The following ANKRD30A variants were observed in gnomAD, a reference collection of about 807,000 sequenced individuals.
ANKRD30A encodes ankyrin repeat domain-containing protein 30A.
ANKRD30A carries 170 observed loss-of-function variants against 166.3 expected under a neutral mutation model. The observed-to-expected ratio is 1.02, with a 90% CI of 0.90 to 1.16. The LOEUF is 1.16. Among genes scored for constraint, ANKRD30A ranks in the 50% most tolerant of loss-of-function variants. The pLI is 0.00. For synonymous variants in ANKRD30A, 564 were observed against 508.9 expected, an observed-to-expected ratio of 1.11 and a Z score of -1.46; for missense variants, 1,630 against 1,518.0, an observed-to-expected ratio of 1.07 and a Z score of -1.23.
intron 25 of ANKRD30A, among the ~76,000 whole-genome samples, chr10:37,190,169 A>G (rs527583944): frequency 6.6e-6 from 1 of 151,898 alleles, no homozygotes; most frequent in South Asian, 2.1e-4. Flanking sequence ...CTCTGTATAG[A>G]CCAGAGGTTT....
intron 27 of ANKRD30A, among the ~76,000 whole-genome samples, chr10:37,193,916 C>T (rs912913672): frequency 1.3e-5 from 2 of 152,102 alleles, no homozygotes; most frequent in African/African-American, 2.4e-5. Context: ...TACAATAGGC[C>T]GTGCACGGTG....
intron 7 of ANKRD30A, among the ~76,000 whole-genome samples, chr10:37,143,581 GA>G (rs1837300177): frequency 6.6e-6 from 1 of 152,110 alleles, no homozygotes. Flanking sequence ...TTGAACCCAG[GA>G]GGCAGAGGTT....
chr10:37,192,277 C>T (rs1472860910), intron 25 of ANKRD30A, among the ~76,000 whole-genome samples: 2 of 151,920 alleles, frequency 1.3e-5, no homozygotes, highest in East Asian at 3.9e-4. Flanking sequence ...CTCCTGGCCT[C>T]CAGAGATCCG....
chr10:37,261,664 T>G, the ANKRD30A span, among the ~76,000 whole-genome samples: 1 of 152,338 alleles, frequency 6.6e-6, no homozygotes, highest in Middle Eastern at 3.4e-3. Context: ...CTTGACTTTG[T>G]TTGCTTCATT....
At chr10:37,132,393 G>C in intron 4 of ANKRD30A, 47 bp downstream of exon 4, 3 of 1,104,758 alleles carry the variant, frequency 2.7e-6, no homozygotes, top group Non-Finnish European at 3.9e-6. Flanking sequence ...TAGTGTTCTA[G>C]AGTAATAACA....
chr10:37,140,019 T>C (rs1836992212), intron 6 of ANKRD30A, among the ~76,000 whole-genome samples: 2 of 152,222 alleles, frequency 1.3e-5, no homozygotes. Context: ...ATAGTTTCTA[T>C]TTTATATGTA....
intron 21 of ANKRD30A, among the ~76,000 whole-genome samples, chr10:37,172,224 A>G (rs1344299159): frequency 2.6e-4 from 26 of 100,336 alleles, no homozygotes; most frequent in African/African-American, 1.0e-3. Context: ...ACGCACTTCT[A>G]ATAATTTCTC....
chr10:37,246,856 C>T, the ANKRD30A span, among the ~76,000 whole-genome samples: 6 of 152,130 alleles, frequency 3.9e-5, no homozygotes, highest in Admixed American at 1.3e-4. Flanking sequence ...AGGCCAATAG[C>T]ACCTCATCAT....
chr10:37,256,026 A>G, the ANKRD30A span, among the ~76,000 whole-genome samples: 1 of 152,190 alleles, frequency 6.6e-6, no homozygotes, highest in African/African-American at 2.4e-5. Context: ...CAGTGCCTGC[A>G]GCGTGACTGG....
chr10:37,154,348 G>A (rs1838197091), intron 13 of ANKRD30A, among the ~76,000 whole-genome samples: 1 of 152,162 alleles, frequency 6.6e-6, no homozygotes, highest in African/African-American at 2.4e-5. Context: ...AGCCGACTTG[G>A]GATTCTGCAT....
chr10:37,242,673 G>A, the ANKRD30A span, among the ~76,000 whole-genome samples: 1 of 152,040 alleles, frequency 6.6e-6, no homozygotes, highest in Admixed American at 6.6e-5. Flanking sequence ...CACATGTTTC[G>A]AGGTTCATGG....
intron 34 of ANKRD30A, among the ~76,000 whole-genome samples, chr10:37,230,150 T>C (rs1283733783): frequency 1.3e-5 from 2 of 151,968 alleles, no homozygotes; most frequent in Non-Finnish European, 2.9e-5. Flanking sequence ...TAGAAGACTT[T>C]AATAAAACAG....
intron 25 of ANKRD30A, among the ~76,000 whole-genome samples, chr10:37,190,308 G>T (rs1025525185): frequency 2.0e-5 from 3 of 151,886 alleles, no homozygotes; most frequent in African/African-American, 7.3e-5. Context: ...CGTTGCTCTG[G>T]GTTGCAAGAG....
intron 12 of ANKRD30A, among the ~76,000 whole-genome samples, chr10:37,152,415 T>C (rs17605982): frequency 6.6e-6 from 1 of 152,076 alleles, no homozygotes; most frequent in African/African-American, 2.4e-5. Context: ...TGTCTAAAAG[T>C]GAAAGAATTA....
At chr10:37,250,836 C>A in the ANKRD30A span, among the ~76,000 whole-genome samples, 13 of 152,172 alleles carry the variant, frequency 8.5e-5, no homozygotes, top group Admixed American at 3.3e-4. Context: ...TGTTTATAAA[C>A]CATGCAGTTT....
intron 29 of ANKRD30A, among the ~76,000 whole-genome samples, chr10:37,198,335 GGACA>G (rs2132683284): frequency 6.6e-6 from 1 of 151,978 alleles, no homozygotes; most frequent in Admixed American, 6.5e-5. Context: ...CATCCGTATA[GGACA>G]CAGTTAACTG....
At chr10:37,245,127 AT>A in the ANKRD30A span, among the ~76,000 whole-genome samples, 10 of 152,170 alleles carry the variant, frequency 6.6e-5, no homozygotes, top group Non-Finnish European at 8.8e-5. Context: ...AACTTAATTA[AT>A]TTTAAAAAAT....
rs555594027 is a variant in ANKRD30A at position 37,193,098 on chromosome 10, A to C, written c.2541+6A>C. ...ATAATGATGGTTTTCTGAAGGTAATAACTTTTATATTTTTATCTTGAGTAT... is the reference window on the plus strand; with the variant it reads ...ATAATGATGGTTTTCTGAAGGTAATCACTTTTATATTTTTATCTTGAGTAT... On this transcript the variant is annotated splice_donor_region_variant and intron_variant, in intron 26 of 35. Coordinates refer to ENST00000361713, the MANE Select transcript of ANKRD30A (RefSeq NM_052997.3). The C allele has an allele frequency of 6.2e-6, 10 of 1,604,912 alleles. No homozygotes were observed. The African/African-American group carries it at 1.3e-4, about 22-fold the overall frequency.
At chr10:37,228,893 C>T (rs1237505370) in intron 34 of ANKRD30A, among the ~76,000 whole-genome samples, 1 of 151,802 alleles carries the variant, frequency 6.6e-6, no homozygotes, top group Non-Finnish European at 1.5e-5. Context: ...AACAATTGCC[C>T]ACAATTTAGT....
Sources: gnomAD v4.1 joint callset for allele counts (sites outside exome capture counted in the v4.1 genomes callset) on GRCh38, gnomAD v4.1.1 for gene constraint, MANE v1.5 for transcripts, NCBI Gene and HGNC (gene_info 2026-07-23, HGNC 2026-07-21) for gene names.